Variants in KCNIP4 observed in about 807,000 individuals in gnomAD.
KCNIP4 encodes the protein Kv channel-interacting protein 4.
In KCNIP4, 12 loss-of-function variants were observed where a neutral mutation model predicts 34.0. The ratio of observed to expected loss-of-function variants is 0.35; its 90% confidence interval spans 0.23 to 0.57. KCNIP4 has a LOEUF of 0.57. Ranked by LOEUF, KCNIP4 falls within the 20% of genes least tolerant of loss-of-function variation. The probability of loss-of-function intolerance (pLI) is 0.83; values close to 1 mark genes in which losing one functional copy is unlikely to be tolerated. For missense variants in KCNIP4, 238 were observed against 311.7 expected, an observed-to-expected ratio of 0.76 and a Z score of 1.78; for synonymous variants, 124 against 102.2, an observed-to-expected ratio of 1.21 and a Z score of -1.29.
chr4:20,730,945 C>G (rs1747978296), intron 8 of KCNIP4, among the ~76,000 whole-genome samples: 1 of 152,132 alleles, frequency 6.6e-6, no homozygotes, highest in African/African-American at 2.4e-5. Context: ...TTAATTCTCT[C>G]AAAGACCACT....
At position 21,444,426 on chromosome 4, in the gene KCNIP4, C is replaced by A. The variant is rs35857327; in HGVS notation, c.61+504145G>T. On this transcript the variant is annotated intron_variant, in intron 1 of 8. Coordinates refer to ENST00000382152, the MANE Select transcript of KCNIP4 (RefSeq NM_025221.6). ...GCAGCACATCAAAAAGCTTATCCACCATGATCAAGTGGGCTTCATCCCTGG... is the reference window on the plus strand; with the variant it reads ...GCAGCACATCAAAAAGCTTATCCACAATGATCAAGTGGGCTTCATCCCTGG... Among the ~76,000 whole-genome samples the A allele has an allele frequency of 0.016, 2,448 of 152,266 alleles. 130 individuals carry two copies. In the East Asian group the frequency reaches 0.17, roughly 10 times the overall value.
intron 1 of KCNIP4, among the ~76,000 whole-genome samples, chr4:21,340,670 C>G (rs2109346203): frequency 6.6e-6 from 1 of 151,204 alleles, no homozygotes; most frequent in African/African-American, 2.4e-5. Flanking sequence ...GAAAAACATT[C>G]TACTCTGAAA....
chr4:20,770,470 T>G, intron 3 of KCNIP4, among the ~76,000 whole-genome samples: 1 of 124,632 alleles, frequency 8.0e-6, no homozygotes, highest in Admixed American at 9.1e-5. Context: ...CTAATAATAT[T>G]GACCAAAAAA....
intron 3 of KCNIP4, among the ~76,000 whole-genome samples, chr4:20,770,829 G>A (rs187317009): frequency 0.015 from 2,266 of 152,110 alleles, 27 homozygotes; most frequent in South Asian, 0.038. Flanking sequence ...TGGCTACTCC[G>A]GAGGCTGAGA....
rs139691366 is a variant in KCNIP4, at chr4:20,952,075, AT to A, written c.62-69367del. On this transcript the variant is annotated intron_variant, in intron 1 of 8. Transcript: ENST00000382152. ...TTATAAGCGATATATAGATGAAAAA[AT>A]ATTATCAAGGAAAAATCCAGCTGGA... Among the ~76,000 whole-genome samples, 927 of 152,348 alleles carry A rather than the reference AT, an allele frequency of 6.1e-3. 10 individuals carry two copies. Among genetic ancestry groups the A allele is most frequent in the African/African-American group, 0.021 (874 of 41,576 alleles).
At chr4:21,542,921 C>A (rs1324029045) in intron 1 of KCNIP4, among the ~76,000 whole-genome samples, 1 of 151,688 alleles carries the variant, frequency 6.6e-6, no homozygotes, top group African/African-American at 2.4e-5. Context: ...ATGCAATACA[C>A]CACCAAAATG....
At chr4:21,094,214 A>G (rs778608754) in intron 1 of KCNIP4, among the ~76,000 whole-genome samples, 2 of 152,228 alleles carry the variant, frequency 1.3e-5, no homozygotes, top group African/African-American at 2.4e-5. Context: ...ACAGAACTAA[A>G]TATTTATGAA....
chr4:21,424,495 C>T (rs928560906), intron 1 of KCNIP4, among the ~76,000 whole-genome samples: 1 of 151,870 alleles, frequency 6.6e-6, no homozygotes, highest in African/African-American at 2.4e-5. Flanking sequence ...TTGCTTGAAC[C>T]CGGGAGGTGG....
intron 1 of KCNIP4, chr4:21,582,142 A>C (rs933199107): frequency 4.1e-5 from 6 of 145,854 alleles, no homozygotes; most frequent in Admixed American, 1.4e-4. Flanking sequence ...CATATTTTTG[A>C]AATCATTTAT....
chr4:21,313,400 A>G (rs1442672595), intron 1 of KCNIP4, among the ~76,000 whole-genome samples: 1 of 152,210 alleles, frequency 6.6e-6, no homozygotes, highest in Non-Finnish European at 1.5e-5. Context: ...ATAAAATGTA[A>G]AAAGCAATAT....
intron 1 of KCNIP4, among the ~76,000 whole-genome samples, chr4:20,965,048 A>G (rs1341015940): frequency 6.6e-6 from 1 of 152,220 alleles, no homozygotes; most frequent in Non-Finnish European, 1.5e-5. Context: ...AGAAGGCAAC[A>G]TAAGAATGTA....
At chr4:21,939,619 A>G (rs1730082219) in intron 1 of KCNIP4, among the ~76,000 whole-genome samples, 2 of 152,162 alleles carry the variant, frequency 1.3e-5, no homozygotes, top group African/African-American at 4.8e-5. Context: ...GTTTCAGAGT[A>G]TGTGCCAACT....
rs1286079603 is a variant in KCNIP4 at position 21,655,381 on chromosome 4, A to C, written c.61+293190T>G. Among the ~76,000 whole-genome samples the C allele has an allele frequency of 5.3e-5, 8 of 152,202 alleles. No homozygotes were observed. The East Asian group carries it at 1.6e-3, about 30-fold the overall frequency. On this transcript the variant is annotated intron_variant, in intron 1 of 8. Coordinates refer to ENST00000382152, the MANE Select transcript of KCNIP4 (RefSeq NM_025221.6). ...TGAGGAGACAGGGAACAGAGCCAGA[A>C]ACTGCCAACACATTTTACAAGCAGG...
intron 1 of KCNIP4, among the ~76,000 whole-genome samples, chr4:21,900,252 T>G (rs1462276998): frequency 6.6e-6 from 1 of 152,172 alleles, no homozygotes; most frequent in Non-Finnish European, 1.5e-5. Flanking sequence ...CTAAAATAAG[T>G]CTGACTTAAA....
chr4:20,744,166 G>T (rs539525887), intron 5 of KCNIP4, among the ~76,000 whole-genome samples: 1 of 152,276 alleles, frequency 6.6e-6, no homozygotes, highest in East Asian at 1.9e-4. Flanking sequence ...CTGTTGGTGG[G>T]ACTGTAAACT....
intron 1 of KCNIP4, among the ~76,000 whole-genome samples, chr4:21,100,215 A>G (rs1315731869): frequency 6.6e-6 from 1 of 152,200 alleles, no homozygotes; most frequent in Non-Finnish European, 1.5e-5. Context: ...CTTTTGGGAA[A>G]GAGTCAGTGG....
chr4:21,763,031 T>A (rs1376628527), intron 1 of KCNIP4: 1 of 1,288,814 alleles, frequency 7.8e-7, no homozygotes, highest in Admixed American at 2.3e-5. Context: ...CAATAACCGC[T>A]TCTAGATTGA....
chr4:21,628,329 G>A (rs768893016), intron 1 of KCNIP4, among the ~76,000 whole-genome samples: 33 of 152,154 alleles, frequency 2.2e-4, no homozygotes, highest in Non-Finnish European at 4.0e-4. Flanking sequence ...CAATCCTGCC[G>A]AGTTGCAATC....
At chr4:21,057,466 A>G (rs1051707945) in intron 1 of KCNIP4, among the ~76,000 whole-genome samples, 2 of 152,152 alleles carry the variant, frequency 1.3e-5, no homozygotes, top group Non-Finnish European at 2.9e-5. Flanking sequence ...TAATTTCTAC[A>G]CAAAGCTTTT....
Sources: allele counts gnomAD v4.1 joint callset (sites outside exome capture counted in the v4.1 genomes callset), GRCh38; gene constraint gnomAD v4.1.1; transcripts MANE v1.5; gene names NCBI Gene and HGNC (gene_info 2026-07-23, HGNC 2026-07-21).